The following PDE11A variants were observed in gnomAD, a reference collection of about 807,000 sequenced individuals.
The protein encoded by PDE11A is dual 3',5'-cyclic-AMP and -GMP phosphodiesterase 11A.
PDE11A carries 100 observed loss-of-function variants against 100.5 expected under a neutral mutation model. The observed-to-expected ratio is 1.00, with a 90% CI of 0.85 to 1.18. The LOEUF (loss-of-function observed/expected upper bound fraction) is 1.18, where lower values mean the gene tolerates loss of function less well. Ranked by LOEUF, PDE11A falls within the 50% of genes most tolerant of loss-of-function variation. The pLI is 0.00. For missense variants in PDE11A, 1,141 were observed against 1,152.6 expected (o/e 0.99, Z 0.15); for synonymous variants, 381 against 420.8 (o/e 0.91, Z 1.16).
At chr2:177,788,232 A>T (rs1558938805) in intron 9 of PDE11A, among the ~76,000 whole-genome samples, 1 of 151,034 alleles carries the variant, frequency 6.6e-6, no homozygotes, top group African/African-American at 2.4e-5. Context: ...GGATTAAGAA[A>T]CTCACTCAAA....
chr2:177,640,549 A>G (rs2080126207), intron 19 of PDE11A, among the ~76,000 whole-genome samples: 1 of 152,220 alleles, frequency 6.6e-6, no homozygotes, highest in Admixed American at 6.5e-5. Flanking sequence ...AGAGACAGGT[A>G]GCCAATTGTG....
intron 10 of PDE11A, among the ~76,000 whole-genome samples, chr2:177,744,203 G>C (rs992890210): frequency 6.6e-6 from 1 of 152,166 alleles, no homozygotes; most frequent in African/African-American, 2.4e-5. Flanking sequence ...GTGTGCAAGA[G>C]GAAGAGTTAT....
At chr2:177,676,200 T>G (rs188521583) in intron 16 of PDE11A, 1 of 158,328 alleles carries the variant, frequency 6.3e-6, no homozygotes, top group Non-Finnish European at 1.4e-5. Flanking sequence ...CCATAATTCA[T>G]ACGGAACCAT....
At chr2:177,906,329 A>C (rs978803330) in intron 2 of PDE11A, among the ~76,000 whole-genome samples, 1 of 152,182 alleles carries the variant, frequency 6.6e-6, no homozygotes, top group Non-Finnish European at 1.5e-5. Flanking sequence ...CCAACTCAGG[A>C]AGCACTTGTG....
intron 4 of PDE11A, among the ~76,000 whole-genome samples, chr2:177,878,659 G>A (rs76345668): frequency 2.6e-5 from 4 of 152,028 alleles, no homozygotes; most frequent in Non-Finnish European, 2.9e-5. Flanking sequence ...GCAAATTAAG[G>A]CTTAGGGGGT....
At chr2:177,998,023 G>C in intron 2 of PDE11A, 1 of 1,250,402 alleles carries the variant, frequency 8.0e-7, no homozygotes, top group East Asian at 2.3e-5. Context: ...GACAGTTTTA[G>C]AGAAGAAGGG....
chr2:177,712,970 G>C (rs1232051340), intron 12 of PDE11A, among the ~76,000 whole-genome samples: 1 of 152,036 alleles, frequency 6.6e-6, no homozygotes, highest in Non-Finnish European at 1.5e-5. Flanking sequence ...GGTTATGTTT[G>C]TGTTGCAGAA....
At position 177,624,316 on chromosome 2, in the gene PDE11A, T is replaced by TGTC. The variant is rs1314912655; in HGVS notation, c.*5088_*5090dup. 4.6e-5 allele frequency: 7 copies of TGTC among 151,998 alleles called. No homozygotes were observed. Among genetic ancestry groups the TGTC allele is most frequent in the African/African-American group, 9.6e-5 (4 of 41,508 alleles). 9.4% of individuals were successfully genotyped at this position (151,998 alleles called of 1,614,324 possible). On this transcript the variant is annotated 3_prime_UTR_variant, in exon 20 of 20. Coordinates refer to ENST00000286063, the MANE Select transcript of PDE11A (RefSeq NM_016953.4). The stretch of plus-strand genomic sequence containing the variant: ...TTTATATTTAAATCTTTCCCTAGTA[T>TGTC]GTCTAGGTTTCTGTCCCACTGGAAG...
At chr2:177,890,719 T>C (rs1338922691) in intron 4 of PDE11A, among the ~76,000 whole-genome samples, 5 of 152,210 alleles carry the variant, frequency 3.3e-5, no homozygotes, top group African/African-American at 1.2e-4. Flanking sequence ...GCTAAGAGGT[T>C]GACTACCTGC....
intron 4 of PDE11A, among the ~76,000 whole-genome samples, chr2:177,878,892 T>C (rs1340334546): frequency 6.6e-6 from 1 of 152,238 alleles, no homozygotes; most frequent in Non-Finnish European, 1.5e-5. Flanking sequence ...ACCTCCTATA[T>C]GCCCAAATTT....
intron 10 of PDE11A, among the ~76,000 whole-genome samples, chr2:177,736,427 G>T (rs2081783482): frequency 6.6e-6 from 1 of 151,978 alleles, no homozygotes; most frequent in Admixed American, 6.6e-5. Flanking sequence ...AGGAGGCTGA[G>T]GCAGGAGAAT....
chr2:177,957,165 C>T (rs1481266826), intron 2 of PDE11A, among the ~76,000 whole-genome samples: 3 of 152,022 alleles, frequency 2.0e-5, no homozygotes, highest in Admixed American at 2.0e-4. Context: ...TCATCAACTG[C>T]ACTGGCTTCT....
chr2:177,789,731 T>C (rs1423662391), intron 9 of PDE11A, among the ~76,000 whole-genome samples: 4 of 152,012 alleles, frequency 2.6e-5, no homozygotes, highest in Admixed American at 1.3e-4. Flanking sequence ...CACAAGCATT[T>C]TTATACACCA....
intron 9 of PDE11A, among the ~76,000 whole-genome samples, chr2:177,809,695 G>A (rs2082920672): frequency 6.6e-6 from 1 of 151,852 alleles, no homozygotes; most frequent in African/African-American, 2.4e-5. Context: ...GCTTCTAAAT[G>A]AAGGGAAGGG....
chr2:177,855,396 C>A (rs1257002115), intron 5 of PDE11A, among the ~76,000 whole-genome samples: 3 of 152,044 alleles, frequency 2.0e-5, no homozygotes, highest in African/African-American at 7.2e-5. Flanking sequence ...TTTTTCAGAA[C>A]TCTAGAAATT....
intron 4 of PDE11A, among the ~76,000 whole-genome samples, chr2:177,896,352 C>T (rs957384546): frequency 2.6e-5 from 4 of 152,276 alleles, no homozygotes; most frequent in East Asian, 1.9e-4. Context: ...AAAAATTAGT[C>T]GAAGTTAGAA....
chr2:177,969,627 AAAGT>A (rs35538692), intron 2 of PDE11A, among the ~76,000 whole-genome samples: 9,524 of 152,098 alleles, frequency 0.063, 306 homozygotes, highest in South Asian at 0.093. Context: ...GTAAAGAAAA[AAAGT>A]AAGTAAGCCT....
Position 177,864,606 on chromosome 2 carries a change from G to T in PDE11A, c.1367+11253C>A, listed in dbSNP as rs181586262. ...CAAAGAAAATAAAATTACATAATAC[G>T]TGAAAAACAAAGAGACAAATTGCCC... On this transcript the variant is annotated intron_variant, in intron 5 of 19. Transcript: ENST00000286063. Among the ~76,000 whole-genome samples, 179 of 152,202 alleles carry T rather than the reference G, an allele frequency of 1.2e-3. 1 individual carries two copies. Among genetic ancestry groups the T allele is most frequent in the Middle Eastern group, 0.01 (3 of 294 alleles).
At chr2:177,899,148 C>T (rs992108242) in intron 3 of PDE11A, among the ~76,000 whole-genome samples, 9 of 152,292 alleles carry the variant, frequency 5.9e-5, no homozygotes, top group African/African-American at 2.2e-4. Flanking sequence ...TGGCTCATGC[C>T]TATAATCCCA....
Sources: allele counts gnomAD v4.1 joint callset (sites outside exome capture counted in the v4.1 genomes callset), GRCh38; gene constraint gnomAD v4.1.1; transcripts MANE v1.5; gene names NCBI Gene and HGNC (gene_info 2026-07-23, HGNC 2026-07-21).